The following CHRM5 variants were observed in gnomAD, a reference collection of about 807,000 sequenced individuals.
The protein encoded by CHRM5 is cholinergic receptor muscarinic 5, also known as muscarinic acetylcholine receptor M5.
In CHRM5, 18 loss-of-function variants were observed where a neutral mutation model predicts 39.0. That is an observed-to-expected ratio of 0.46 (90% confidence interval 0.32 to 0.68). CHRM5 has a LOEUF of 0.68. Among genes scored for constraint, CHRM5 ranks in the 30% least tolerant of loss-of-function variants. The pLI, the probability that CHRM5 is intolerant of heterozygous loss-of-function variation, is 0.04. For synonymous variants in CHRM5, 241 were observed against 246.3 expected (o/e 0.98, Z 0.20); for missense variants, 515 against 651.1 (o/e 0.79, Z 2.28).
At position 33,995,203 on chromosome 15, in the gene CHRM5, G is replaced by A. The variant is rs1286756872; in HGVS notation, c.-408+26053G>A. Among the ~76,000 whole-genome samples, 3 of 152,150 alleles carry A rather than the reference G, an allele frequency of 2.0e-5. No homozygotes were observed. The East Asian group carries it at 5.8e-4, about 29-fold the overall frequency. ...TGCTTGAGCCCAGGAGGTCAAGGCT[G>A]CAGTGAGCTATGATCATGCCACTGC... is the stretch of plus-strand genomic sequence containing the variant. On this transcript the variant is annotated intron_variant, in intron 1 of 2. Coordinates refer to ENST00000383263, the MANE Select transcript of CHRM5 (RefSeq NM_012125.4).
At chr15:33,971,141 T>C (rs1474826697) in intron 1 of CHRM5, among the ~76,000 whole-genome samples, 1 of 152,092 alleles carries the variant, frequency 6.6e-6, no homozygotes, top group Non-Finnish European at 1.5e-5. Context: ...GATTTTATGC[T>C]AGTACCTGAA....
chr15:34,015,407 G>A (rs1013244674), intron 1 of CHRM5, among the ~76,000 whole-genome samples: 7 of 151,996 alleles, frequency 4.6e-5, no homozygotes, highest in East Asian at 1.9e-4. Flanking sequence ...GCGTGAACCC[G>A]GGAGGCGGAG....
chr15:34,031,548 G>C, intron 1 of CHRM5, among the ~76,000 whole-genome samples: 1 of 152,184 alleles, frequency 6.6e-6, no homozygotes, highest in Non-Finnish European at 1.5e-5. Flanking sequence ...ATATGGATCA[G>C]ACAGATTCGT....
chr15:34,011,457 A>C lies in CHRM5; in HGVS notation c.-407-35083A>C, dbSNP rs137864356. Reference sequence around the variant, plus strand: ...TATATGTGAATTATCTCTTGATCCCAGAACAATGTACATAATAATAAATAA... The same window carrying C: ...TATATGTGAATTATCTCTTGATCCCCGAACAATGTACATAATAATAAATAA... On this transcript the variant is annotated intron_variant, in intron 1 of 2. Coordinates refer to ENST00000383263, the MANE Select transcript of CHRM5 (RefSeq NM_012125.4). 2.2e-3 allele frequency among the ~76,000 whole-genome samples: 331 copies of C among 152,360 alleles called. 3 individuals are homozygous for C. The highest frequency in any genetic ancestry group is 0.016 in the South Asian group (78 of 4,828).
intron 1 of CHRM5, among the ~76,000 whole-genome samples, chr15:33,999,958 G>C (rs1164305940): frequency 6.6e-6 from 1 of 152,170 alleles, no homozygotes. Context: ...GATCTGGCTG[G>C]ATAATGCCTT....
rs538765770 is a variant in CHRM5, at chr15:34,067,360, C to G, written c.*3044C>G. ...CCTCTGGATTAGAATCTCCAGTTGTCTACTGTAAATACTGGAATTACAGCA... is the reference window on the plus strand; with the variant it reads ...CCTCTGGATTAGAATCTCCAGTTGTGTACTGTAAATACTGGAATTACAGCA... On this transcript the variant is annotated 3_prime_UTR_variant, in exon 3 of 3. Coordinates refer to ENST00000383263, the MANE Select transcript of CHRM5 (RefSeq NM_012125.4). The G allele has an allele frequency of 6.6e-6, 1 of 152,138 alleles. No homozygotes were observed. Among genetic ancestry groups the G allele is most frequent in the African/African-American group, 2.4e-5 (1 of 41,406 alleles). 9.4% of individuals were successfully genotyped at this position (152,138 alleles called of 1,614,324 possible). A position where few individuals can be genotyped will look rare whatever the true frequency, so the allele number is the denominator to read the frequency against.
intron 1 of CHRM5, among the ~76,000 whole-genome samples, chr15:33,976,549 G>T (rs775253749): frequency 4.6e-5 from 7 of 152,108 alleles, no homozygotes; most frequent in Non-Finnish European, 1.0e-4. Flanking sequence ...AACTCCAGTA[G>T]ACAACACACT....
At chr15:34,027,454 G>T (rs956076312) in intron 1 of CHRM5, among the ~76,000 whole-genome samples, 1 of 151,642 alleles carries the variant, frequency 6.6e-6, no homozygotes, top group Non-Finnish European at 1.5e-5. Context: ...GCTTGAACCC[G>T]GAAGGCAGAG....
At chr15:33,979,252 T>C (rs1199173090) in intron 1 of CHRM5, among the ~76,000 whole-genome samples, 1 of 152,196 alleles carries the variant, frequency 6.6e-6, no homozygotes, top group Non-Finnish European at 1.5e-5. Flanking sequence ...CCAGGCACGG[T>C]GTCCCATGCC....
intron 1 of CHRM5, among the ~76,000 whole-genome samples, chr15:34,036,835 G>A (rs186585407): frequency 6.0e-5 from 9 of 148,978 alleles, no homozygotes; most frequent in Admixed American, 5.4e-4. Flanking sequence ...CAGGCGCAGT[G>A]GGTCACACCT....
At chr15:34,038,366 G>C (rs889291749) in intron 1 of CHRM5, among the ~76,000 whole-genome samples, 1 of 152,146 alleles carries the variant, frequency 6.6e-6, no homozygotes. Flanking sequence ...CTAATAACAG[G>C]AGCGTGCCCG....
chr15:34,017,320 CCT>C (rs1567469447), intron 1 of CHRM5, among the ~76,000 whole-genome samples: 1 of 151,992 alleles, frequency 6.6e-6, no homozygotes, highest in Non-Finnish European at 1.5e-5. Context: ...AGATCTCATC[CCT>C]GTTCCATAAA....
intron 1 of CHRM5, among the ~76,000 whole-genome samples, chr15:34,030,065 C>T (rs1898698781): frequency 6.6e-6 from 1 of 151,926 alleles, no homozygotes; most frequent in Non-Finnish European, 1.5e-5. Context: ...CCCAGCCTGG[C>T]CAACATGGTG....
rs1464215317 is a variant in CHRM5, at chr15:34,064,530, C to T, written c.*214C>T. On this transcript the variant is annotated 3_prime_UTR_variant, in exon 3 of 3. Transcript: ENST00000383263. The stretch of plus-strand genomic sequence containing the variant: ...AAATGACTCTTGCCTATGACCAAGG[C>T]CATTTGATGCCAGGGGAGTTTGCCA... 5.0e-6 allele frequency: 3 copies of T among 602,698 alleles called. No homozygotes were observed. Among genetic ancestry groups the T allele is most frequent in the East Asian group, 2.9e-5 (1 of 34,208 alleles). The allele number at this position is 602,698 out of a possible 1,614,324, so 37.3% of individuals were successfully genotyped here.
intron 1 of CHRM5, among the ~76,000 whole-genome samples, chr15:34,017,458 A>G (rs1897966671): frequency 6.7e-6 from 1 of 149,394 alleles, no homozygotes; most frequent in Non-Finnish European, 1.5e-5. Context: ...AACCAAGATA[A>G]GTGATTTCAG....
chr15:33,982,357 AC>A (rs1896188817), intron 1 of CHRM5, among the ~76,000 whole-genome samples: 1 of 151,928 alleles, frequency 6.6e-6, no homozygotes, highest in African/African-American at 2.4e-5. Flanking sequence ...CCCAATCCAA[AC>A]CCTAGTAATG....
At chr15:34,022,793 C>A (rs187296276) in intron 1 of CHRM5, among the ~76,000 whole-genome samples, 37 of 152,348 alleles carry the variant, frequency 2.4e-4, no homozygotes, top group South Asian at 2.1e-4. Context: ...ATTTTCCTGA[C>A]CTTCTGGCTG....
intron 1 of CHRM5, among the ~76,000 whole-genome samples, chr15:33,970,671 T>C (rs1406680283): frequency 1.4e-5 from 2 of 147,666 alleles, no homozygotes; most frequent in South Asian, 2.1e-4. Flanking sequence ...TAATTAAAGA[T>C]TTTTTAATTA....
intron 1 of CHRM5, among the ~76,000 whole-genome samples, chr15:33,985,693 T>C (rs1256024790): frequency 6.6e-6 from 1 of 152,088 alleles, no homozygotes; most frequent in Non-Finnish European, 1.5e-5. Context: ...ATGATACACC[T>C]GATTCCTTAG....
Sources: gnomAD v4.1 joint callset for allele counts (sites outside exome capture counted in the v4.1 genomes callset) on GRCh38, gnomAD v4.1.1 for gene constraint, MANE v1.5 for transcripts, NCBI Gene and HGNC (gene_info 2026-07-23, HGNC 2026-07-21) for gene names.